The following PTCHD1 variants were observed in gnomAD, a reference collection of about 807,000 sequenced individuals.
PTCHD1 encodes patched domain-containing protein 1.
A neutral mutation model predicts 34.6 loss-of-function variants in PTCHD1; 3 were observed. The ratio of observed to expected loss-of-function variants is 0.09; its 90% CI spans 0.04 to 0.22. The LOEUF (loss-of-function observed/expected upper bound fraction) is 0.22, where lower values mean the gene tolerates loss of function less well. Ranked by LOEUF, PTCHD1 falls within the 10% of genes least tolerant of loss-of-function variation. The probability of loss-of-function intolerance (pLI) is 1.00; values close to 1 mark genes in which losing one functional copy is unlikely to be tolerated. For synonymous variants in PTCHD1, 305 were observed against 283.1 expected (o/e 1.08, Z -0.77); for missense variants, 504 against 685.5 (o/e 0.74, Z 2.96).
chrX:23,363,879 T>C (rs1007938826), intron 1 of PTCHD1, among the ~76,000 whole-genome samples: 4 of 112,576 alleles, frequency 3.6e-5, no homozygotes, highest in African/African-American at 1.3e-4. Flanking sequence ...TGCATATGTC[T>C]ACCAAAGGCT....
chrX:23,387,919 G>A (rs1216878462), intron 2 of PTCHD1, among the ~76,000 whole-genome samples: 1 of 111,993 alleles, frequency 8.9e-6, no homozygotes, highest in African/African-American at 3.2e-5. Flanking sequence ...GAATCAGTAT[G>A]TGTTTAACAG....
chrX:23,352,544 G>C (rs1489648974), intron 1 of PTCHD1, among the ~76,000 whole-genome samples: 1 of 111,705 alleles, frequency 9.0e-6, no homozygotes, highest in East Asian at 2.8e-4. Flanking sequence ...AGAATTATTT[G>C]GCATTTGAAT....
At chrX:23,376,121 G>A (rs924830565) in intron 1 of PTCHD1, among the ~76,000 whole-genome samples, 19 of 112,055 alleles carry the variant, frequency 1.7e-4, no homozygotes, top group Admixed American at 3.8e-4. Flanking sequence ...GTGCAAGCAC[G>A]CTAAATTCAG....
In PTCHD1 at chrX:23,393,993, G is replaced by C. The variant is rs200798672; in HGVS notation, c.2475G>C (p.Arg825Ser). The C allele has an allele frequency of 2.5e-6, 3 of 1,210,571 alleles. No homozygotes were observed. Among genetic ancestry groups the C allele is most frequent in the Non-Finnish European group, 3.4e-6 (3 of 895,095 alleles). ...CAAATCTGACCTGTACACTGTTCAG[G>C]TGCTTGTTTTTAATAGCATTTGTCA... ...VPSNLTCTLF[R>S]CLFLIAFVTF... Residue 825 changes from arginine to serine, a missense_variant, in exon 3 of 3, where the codon AGG (arginine) becomes AGC (serine). Arg to Ser is a moderately radical substitution (Grantham distance 110). Transcript: ENST00000379361.
intron 1 of PTCHD1, among the ~76,000 whole-genome samples, chrX:23,354,514 T>C (rs1429145041): frequency 1.9e-5 from 2 of 105,012 alleles, no homozygotes; most frequent in African/African-American, 6.9e-5. Context: ...TATATATATA[T>C]ATATATAAAG....
chrX:23,385,132 G>A (rs16982638), intron 2 of PTCHD1, among the ~76,000 whole-genome samples: 1,696 of 110,929 alleles, frequency 0.015, 35 homozygotes, highest in African/African-American at 0.052. Context: ...TTTGTCTCTC[G>A]AATATCGTTT....
At chrX:23,344,964 A>T (rs757474486) in intron 1 of PTCHD1, among the ~76,000 whole-genome samples, 208 of 111,912 alleles carry the variant, frequency 1.9e-3, no homozygotes, top group African/African-American at 6.4e-3. Context: ...TCGTCCACAT[A>T]AGTAGATCTG....
At chrX:23,337,043 G>A (rs888498781) in intron 1 of PTCHD1, among the ~76,000 whole-genome samples, 18 of 111,492 alleles carry the variant, frequency 1.6e-4, no homozygotes, top group Non-Finnish European at 5.6e-5. Flanking sequence ...CAAGGTTAAT[G>A]AGACATCAAC....
intron 1 of PTCHD1, among the ~76,000 whole-genome samples, chrX:23,336,898 G>A (rs1411311143): frequency 9.0e-6 from 1 of 111,304 alleles, no homozygotes; most frequent in Non-Finnish European, 1.9e-5. Flanking sequence ...GAAATGCCCC[G>A]TCTTTTGATT....
chrX:23,334,586 G>T (rs1460886184), upstream of PTCHD1: 1 of 107,410 alleles, frequency 9.3e-6, no homozygotes, highest in Non-Finnish European at 2.0e-5. Flanking sequence ...GGGCGCACGC[G>T]GTAGGGCGGA....
Position 23,335,194 on chromosome X carries a change from C to T in PTCHD1, c.319C>T (p.Leu107=), listed in dbSNP as rs375991965. ...IVTSFQKANM[L]DQHHTDLILK... ...CACCTCCTTCCAGAAAGCCAACATG[C>T]TGGACCAGCATCACACCGACCTGAT... The change falls in exon 1 of 3, where the codon CTG becomes TTG. Residue 107 remains leucine (L), a synonymous_variant. Transcript: ENST00000379361. 1.7e-6 allele frequency: 2 copies of T among 1,210,125 alleles called. No homozygotes were observed. Among genetic ancestry groups the T allele is most frequent in the African/African-American group, 1.7e-5 (1 of 57,541 alleles).
chrX:23,350,984 G>T, intron 1 of PTCHD1: 184 of 219,083 alleles, frequency 8.4e-4, no homozygotes, highest in Middle Eastern at 3.3e-3. Context: ...CCATGAAAAT[G>T]GAATCCATAT....
At chrX:23,366,859 CCT>C (rs1039674165) in intron 1 of PTCHD1, among the ~76,000 whole-genome samples, 7 of 109,881 alleles carry the variant, frequency 6.4e-5, no homozygotes, top group East Asian at 2.8e-4. Context: ...TCGTCTGACC[CCT>C]GTCTCCTTTC....
intron 1 of PTCHD1, among the ~76,000 whole-genome samples, chrX:23,353,838 A>G (rs1921721966): frequency 1.8e-5 from 2 of 112,057 alleles, no homozygotes; most frequent in Admixed American, 9.4e-5. Context: ...TGTTTCTGCC[A>G]TCCACATAGA....
rs758569461 is a variant in PTCHD1 at position 23,392,944 on chromosome X, A to G, written c.1426A>G (p.Asn476Asp). 8.2e-7 allele frequency: 1 copy of G among 1,212,303 alleles called. No homozygotes were observed. The highest frequency in any genetic ancestry group is 3.0e-5 in the East Asian group (1 of 33,887). ...SEDTAEGEEA[N>D]TYESHLLVCF... is the part of the protein sequence containing the mutation. ...GGACACAGCTGAAGGCGAGGAAGCG[A>G]ACACTTACGAGAGTCACCTATTGGT... The change falls in exon 3 of 3, where the codon AAC becomes GAC. Residue 476 changes from asparagine (N) to aspartate (D), a missense_variant. By Grantham distance (23) the Asn-to-Asp change is conservative (BLOSUM62 1). Transcript: ENST00000379361.
chrX:23,380,578 G>T (rs1457144469), intron 2 of PTCHD1, among the ~76,000 whole-genome samples: 1 of 111,532 alleles, frequency 9.0e-6, no homozygotes, highest in East Asian at 2.8e-4. Flanking sequence ...AAAAGATTTG[G>T]ATACAAGTAG....
At chrX:23,352,015 G>C (rs768232134) in intron 1 of PTCHD1, among the ~76,000 whole-genome samples, 1 of 111,834 alleles carries the variant, frequency 8.9e-6, no homozygotes, top group South Asian at 3.8e-4. Context: ...AGAATTAGTA[G>C]AGTTTGAGGA....
chrX:23,394,223 C>G lies in PTCHD1; in HGVS notation c.*38C>G. 1 of 870,873 alleles carries G rather than the reference C, an allele frequency of 1.1e-6. No homozygotes were observed. The highest frequency in any genetic ancestry group is 1.6e-6 in the Non-Finnish European group (1 of 623,033). The allele number at this position is 870,873 out of a possible 1,213,427, so 71.8% of individuals were successfully genotyped here. On this transcript the variant is annotated 3_prime_UTR_variant, in exon 3 of 3. Coordinates refer to ENST00000379361, the MANE Select transcript of PTCHD1 (RefSeq NM_173495.3). ...GGCATATTTTCACCTTAGGTCTTAT[C>G]AAGACCAAAGAGATTATGTTAATGA...
chrX:23,339,371 T>A lies in PTCHD1; in HGVS notation c.351+4145T>A, dbSNP rs190128848. On this transcript the variant is annotated intron_variant, in intron 1 of 2. Coordinates refer to ENST00000379361, the MANE Select transcript of PTCHD1 (RefSeq NM_173495.3). The stretch of plus-strand genomic sequence containing the variant: ...GGGGAATTGCCTTTGTACAAAGTCC[T>A]CTTCTTCAGGGGAAACTCAGAATGT... 3.8e-3 allele frequency among the ~76,000 whole-genome samples: 425 copies of A among 111,824 alleles called. 3 individuals are homozygous for A. Among genetic ancestry groups the A allele is most frequent in the African/African-American group, 0.013 (408 of 30,807 alleles).
Sources: gnomAD v4.1 joint callset for allele counts (sites outside exome capture counted in the v4.1 genomes callset) on GRCh38, gnomAD v4.1.1 for gene constraint, MANE v1.5 for transcripts, NCBI Gene and HGNC (gene_info 2026-07-23, HGNC 2026-07-21) for gene names.